Variants in MACROD1 observed in about 807,000 individuals in gnomAD.
The protein encoded by MACROD1 is ADP-ribose glycohydrolase MACROD1.
In MACROD1, 31 loss-of-function variants were observed where a neutral mutation model predicts 41.4. The ratio of observed to expected loss-of-function variants is 0.75; its 90% CI spans 0.56 to 1.01. The LOEUF is 1.01. Among genes scored for constraint, MACROD1 ranks in the 50% least tolerant of loss-of-function variants. MACROD1 has a pLI of 0.00. For synonymous variants in MACROD1, 252 were observed against 203.4 expected (o/e 1.24, Z -2.03); for missense variants, 473 against 460.0 (o/e 1.03, Z -0.26).
At chr11:64,106,591 G>A (rs1405831897) in intron 3 of MACROD1, among the ~76,000 whole-genome samples, 1 of 152,190 alleles carries the variant, frequency 6.6e-6, no homozygotes, top group Admixed American at 6.5e-5. Context: ...GCCCCTGAGA[G>A]GCCCTGCCCT....
intron 3 of MACROD1, among the ~76,000 whole-genome samples, chr11:64,040,599 G>C (rs1943466289): frequency 6.6e-6 from 1 of 152,252 alleles, no homozygotes; most frequent in South Asian, 2.1e-4. Flanking sequence ...CCCGAGAGCT[G>C]TGTGTTCACC....
chr11:64,021,862 G>GA (rs1254112417), intron 3 of MACROD1, among the ~76,000 whole-genome samples: 1 of 148,216 alleles, frequency 6.7e-6, no homozygotes, highest in Non-Finnish European at 1.5e-5. Context: ...GACAGCACGA[G>GA]AATCAACTTG....
chr11:64,032,279 C>G (rs956904992), intron 3 of MACROD1, among the ~76,000 whole-genome samples: 2 of 152,204 alleles, frequency 1.3e-5, no homozygotes, highest in Non-Finnish European at 2.9e-5. Context: ...TCACTGTATA[C>G]GAAGCACTTT....
intron 3 of MACROD1, among the ~76,000 whole-genome samples, chr11:64,081,375 T>C (rs1447633011): frequency 1.3e-5 from 2 of 152,182 alleles, no homozygotes; most frequent in African/African-American, 2.4e-5. Context: ...CTGAGGTGTC[T>C]AGAGTGCTGG....
chr11:64,111,144 C>T (rs1263546413), intron 3 of MACROD1, among the ~76,000 whole-genome samples: 3 of 152,200 alleles, frequency 2.0e-5, no homozygotes, highest in East Asian at 3.9e-4. Flanking sequence ...ATGAGCTGAG[C>T]GGGCGCTGGG....
At chr11:64,062,820 AC>A (rs1004579038) in intron 3 of MACROD1, among the ~76,000 whole-genome samples, 23 of 152,252 alleles carry the variant, frequency 1.5e-4, no homozygotes, top group African/African-American at 4.1e-4. Flanking sequence ...CACACAGCTC[AC>A]ACAGCAGGGG....
At chr11:64,048,832 C>T (rs565323936) in intron 3 of MACROD1, among the ~76,000 whole-genome samples, 25 of 152,322 alleles carry the variant, frequency 1.6e-4, no homozygotes, top group Admixed American at 1.4e-3. Context: ...ACCAAGCACC[C>T]GAGGTGGGCC....
chr11:64,072,618 G>A (rs2134466572), intron 3 of MACROD1, among the ~76,000 whole-genome samples: 1 of 152,348 alleles, frequency 6.6e-6, no homozygotes, highest in East Asian at 1.9e-4. Flanking sequence ...ACAAACATCA[G>A]ATGGGGATAA....
chr11:64,166,027 T>C lies in MACROD1; in HGVS notation c.-33A>G, dbSNP rs376884330. On this transcript the variant is annotated 5_prime_UTR_variant, in exon 1 of 11. Transcript: ENST00000255681. ...CGGCGCGGGACGGCTCTCCGCCCAC[T>C]TGGACTCTATTTACGGCGCTCGGGA... 8.0e-7 allele frequency: 1 copy of C among 1,251,940 alleles called. No homozygotes were observed. Among genetic ancestry groups the C allele is most frequent in the Non-Finnish European group, 1.0e-6 (1 of 1,000,954 alleles). The allele number at this position is 1,251,940 out of a possible 1,614,324, so 77.6% of individuals were successfully genotyped here. A position where few individuals can be genotyped will look rare whatever the true frequency, so the allele number is the denominator to read the frequency against.
chr11:64,164,382 A>T (rs1945803044), intron 1 of MACROD1, among the ~76,000 whole-genome samples: 1 of 152,198 alleles, frequency 6.6e-6, no homozygotes. Flanking sequence ...GCCCTCGAGC[A>T]GGTGCCTGGG....
rs550871684 is a variant in MACROD1 at position 64,118,273 on chromosome 11, T to C, written c.517+32966A>G. 1.1e-5 allele frequency: 18 copies of C among 1,587,122 alleles called. No individual in the cohort carries two copies. In the East Asian group the frequency reaches 3.1e-4, roughly 28 times the overall value. On this transcript the variant is annotated intron_variant, in intron 3 of 10. Coordinates refer to ENST00000255681, the MANE Select transcript of MACROD1 (RefSeq NM_014067.4). ...TACCGGGACGGCGGCATCCCCGACA[T>C]AGACTACTCCTACACATGATGCCCG...
At position 64,106,256 on chromosome 11, in the gene MACROD1, C is replaced by G. The variant is rs1243992228; in HGVS notation, c.517+44983G>C. On this transcript the variant is annotated intron_variant, in intron 3 of 10. Coordinates refer to ENST00000255681, the MANE Select transcript of MACROD1 (RefSeq NM_014067.4). ...ACAATCCAGACCTTTCCCTTTGCCT[C>G]TTTGGGCTGCTGTGGTGAGGGCACC... Among the ~76,000 whole-genome samples, 2 of 152,104 alleles carry G rather than the reference C, an allele frequency of 1.3e-5. 1 individual carries two copies. Among genetic ancestry groups the G allele is most frequent in the Non-Finnish European group, 2.9e-5 (2 of 68,002 alleles).
chr11:64,076,628 C>T (rs2134476924), intron 3 of MACROD1, among the ~76,000 whole-genome samples: 1 of 152,304 alleles, frequency 6.6e-6, no homozygotes, highest in Admixed American at 6.5e-5. Context: ...CTCCATTTTC[C>T]AGAGGAGGAA....
rs942384469 is a variant in MACROD1, at chr11:64,120,218, T to TG, written c.517+31020dup. Among the ~76,000 whole-genome samples, 3 of 152,052 alleles carry TG rather than the reference T, an allele frequency of 2.0e-5. No homozygotes were observed. Among genetic ancestry groups the TG allele is most frequent in the Non-Finnish European group, 4.4e-5 (3 of 68,000 alleles). ...ATGGGCACAGGCTCCCAGCACGGCC[T>TG]GGGGGGGCTAGCCCACGAAATAGGT... is the stretch of plus-strand genomic sequence containing the variant. On this transcript the variant is annotated intron_variant, in intron 3 of 10. Coordinates refer to ENST00000255681, the MANE Select transcript of MACROD1 (RefSeq NM_014067.4). The surrounding 1 kb of genome is among the most constrained non-coding windows in gnomAD (Gnocchi z 4.5).
At chr11:64,076,420 G>A (rs917884995) in intron 3 of MACROD1, among the ~76,000 whole-genome samples, 2 of 152,326 alleles carry the variant, frequency 1.3e-5, no homozygotes, top group Non-Finnish European at 2.9e-5. Context: ...GCACATCACA[G>A]GTGGTCAACT....
chr11:64,004,525 C>T (rs1942877772), intron 4 of MACROD1, among the ~76,000 whole-genome samples: 3 of 152,258 alleles, frequency 2.0e-5, no homozygotes, highest in African/African-American at 7.2e-5. Flanking sequence ...GCCTGTGGCC[C>T]ACAGGACCAG....
At chr11:64,025,166 A>G (rs1943208496) in intron 3 of MACROD1, among the ~76,000 whole-genome samples, 3 of 152,060 alleles carry the variant, frequency 2.0e-5, no homozygotes, top group Non-Finnish European at 1.5e-5. Context: ...TTTAGTAGAG[A>G]CGGGGTTTCA....
rs1469491240 is a variant in MACROD1, at chr11:64,090,539, C to T, written c.517+60700G>A. 6.6e-6 allele frequency among the ~76,000 whole-genome samples: 1 copy of T among 152,146 alleles called. No individual in the cohort carries two copies. Among genetic ancestry groups the T allele is most frequent in the Admixed American group, 6.5e-5 (1 of 15,284 alleles). ...CGGGCCCTCCCTCGACCGGCTCTGC[C>T]TGCTCACAGGTGGCTGGGCCAGGAG... is the stretch of plus-strand genomic sequence containing the variant. On this transcript the variant is annotated intron_variant, in intron 3 of 10. Transcript: ENST00000255681. This position sits in a 1 kb window ranked among gnomAD's most constrained non-coding sequence, Gnocchi z 4.7.
intron 3 of MACROD1, among the ~76,000 whole-genome samples, chr11:64,027,799 C>T (rs1250259864): frequency 6.6e-6 from 1 of 152,136 alleles, no homozygotes; most frequent in Admixed American, 6.5e-5. Flanking sequence ...AGCAAGGAGC[C>T]CTTGACCTAG....
Sources: allele counts gnomAD v4.1 joint callset (sites outside exome capture counted in the v4.1 genomes callset), GRCh38; gene constraint gnomAD v4.1.1; non-coding constraint Gnocchi (gnomAD v3.1); transcripts MANE v1.5; gene names NCBI Gene and HGNC (gene_info 2026-07-23, HGNC 2026-07-21).